The following CCT7 variants were observed in gnomAD, a reference collection of about 807,000 sequenced individuals.
CCT7 encodes the protein T-complex protein 1 subunit eta.
CCT7 carries 16 observed loss-of-function variants against 56.6 expected under a neutral mutation model. The observed-to-expected ratio is 0.28, with a 90% CI of 0.19 to 0.43. The LOEUF (loss-of-function observed/expected upper bound fraction) is 0.43. CCT7 is among the 20% of genes least tolerant of loss of function. The pLI is 1.00. For synonymous variants in CCT7, 262 were observed against 254.8 expected (o/e 1.03, Z -0.27); for missense variants, 519 against 685.6 (o/e 0.76, Z 2.71).
chr2:73,244,588 G>A lies in CCT7; in HGVS notation c.491G>A (p.Ser164Asn), dbSNP rs1255888979. 5 of 1,613,860 alleles carry A rather than the reference G, an allele frequency of 3.1e-6. No homozygotes were observed. The highest frequency in any genetic ancestry group is 1.1e-5 in the South Asian group (1 of 91,054). The change falls in exon 6 of 12, where the codon AGC (serine) becomes AAC (asparagine). Residue 164 changes from serine (S) to asparagine (N), a missense_variant. Ser to Asn is a conservative substitution (Grantham distance 46). This residue lies in a region of CCT7 where 276 missense variants were observed against 357.3 expected (regional missense o/e 0.77). Transcript: ENST00000258091. ...GAAAAGTGTGCCATGACCGCTCTGA[G>A]CTCCAAGCTGATCTCCCAGCAGAAA... The part of the protein sequence containing the change: ...LLEKCAMTAL[S>N]SKLISQQKAF...
intron 10 of CCT7, among the ~76,000 whole-genome samples, chr2:73,250,645 T>G (rs1465336207): frequency 1.3e-5 from 2 of 151,950 alleles, no homozygotes; most frequent in Non-Finnish European, 2.9e-5. Context: ...AAGCTAAGAC[T>G]TGTTCTTTTA....
At position 73,251,405 on chromosome 2, in the gene CCT7, C is replaced by G. The variant is rs941793122; in HGVS notation, c.1383C>G (p.Leu461=). ...CTGGCTTTGATGCCACAAACATTCT[C>G]AACAAGCTGCGGGCTCGGCATGCCC... is the stretch of plus-strand genomic sequence containing the variant. The part of the protein sequence containing the change: ...DNAGFDATNI[L]NKLRARHAQG... Residue 461 remains leucine, a synonymous_variant, in exon 11 of 12, where the codon CTC becomes CTG. Transcript: ENST00000258091. 2 of 1,469,648 alleles carry G rather than the reference C, an allele frequency of 1.4e-6. No homozygotes were observed. Among genetic ancestry groups the G allele is most frequent in the Non-Finnish European group, 1.8e-6 (2 of 1,087,848 alleles). The allele number at this position is 1,469,648 out of a possible 1,614,324, so 91.0% of individuals were successfully genotyped here. A position where few individuals can be genotyped will look rare whatever the true frequency, so the allele number is the denominator to read the frequency against.
chr2:73,241,033 C>CTTT (rs35842378), intron 3 of CCT7, among the ~76,000 whole-genome samples: 67 of 127,410 alleles, frequency 5.3e-4, no homozygotes, highest in African/African-American at 1.6e-3. Flanking sequence ...CTACACCAGG[C>CTTT]TTTTTTTTTT....
At chr2:73,250,520 A>G in intron 10 of CCT7, 82 bp downstream of exon 10, 5 of 1,523,252 alleles carry the variant, frequency 3.3e-6, no homozygotes, top group Non-Finnish European at 4.5e-6. Flanking sequence ...TTGTGTGGTG[A>G]TTCCTTCTCT....
intron 8 of CCT7, 85 bp from the exon 9 acceptor site, chr2:73,249,734 G>A: frequency 1.1e-6 from 1 of 877,728 alleles, no homozygotes; most frequent in Non-Finnish European, 2.0e-6. Context: ...GGGCATGCGT[G>A]GGAATTGGCT....
At chr2:73,240,337 C>A (rs144238834) in intron 2 of CCT7, 100 bp from the exon 3 acceptor site, 3 of 684,256 alleles carry the variant, frequency 4.4e-6, no homozygotes, top group African/African-American at 1.8e-5. Flanking sequence ...CTGCCGTGAT[C>A]CCCTCTGCCC....
At chr2:73,249,335 A>G (rs1030931571) in intron 8 of CCT7, among the ~76,000 whole-genome samples, 156 bp downstream of exon 8, 4 of 151,206 alleles carry the variant, frequency 2.6e-5, no homozygotes, top group African/African-American at 7.3e-5. Context: ...TTCCATTTCC[A>G]TGTGTGTGTG....
At chr2:73,250,467 C>T (rs1687531587) in intron 10 of CCT7, 29 bp downstream of exon 10, 1 of 1,612,086 alleles carries the variant, frequency 6.2e-7, no homozygotes, top group Non-Finnish European at 8.5e-7. Flanking sequence ...CCTGCTTGCA[C>T]AGCCTACTCT....
chr2:73,239,838 G>A (rs762785613), intron 2 of CCT7, 42 bp downstream of exon 2: 8 of 1,580,122 alleles, frequency 5.1e-6, no homozygotes, highest in African/African-American at 1.3e-5. Context: ...CAGGAAAGGA[G>A]GCTCCTGAGG....
At chr2:73,237,928 A>C (rs1406948667) in intron 1 of CCT7, among the ~76,000 whole-genome samples, 1 of 152,028 alleles carries the variant, frequency 6.6e-6, no homozygotes, top group Non-Finnish European at 1.5e-5. Flanking sequence ...TACCTCATGC[A>C]TTGCGGTCCA....
At chr2:73,250,525 T>C in intron 10 of CCT7, 87 bp downstream of exon 10, 1 of 1,491,068 alleles carries the variant, frequency 6.7e-7, no homozygotes, top group South Asian at 1.2e-5. Context: ...TGGTGATTCC[T>C]TCTCTATATA....
chr2:73,249,765 G>T, intron 8 of CCT7, 54 bp from the exon 9 acceptor site: 1 of 1,252,138 alleles, frequency 8.0e-7, no homozygotes. Context: ...GTGGCAGGAA[G>T]CTGCCTGGCC....
At chr2:73,244,455 G>C in intron 5 of CCT7, 89 bp from the exon 6 acceptor site, 1 of 1,174,638 alleles carries the variant, frequency 8.5e-7, no homozygotes, top group Non-Finnish European at 1.2e-6. Context: ...TTTAGAGACT[G>C]GAAGGGAACT....
intron 7 of CCT7, 110 bp from the exon 8 acceptor site, chr2:73,248,881 C>T (rs528911524): frequency 4.8e-6 from 4 of 829,386 alleles, no homozygotes; most frequent in Non-Finnish European, 7.7e-6. Context: ...TGTTAATTCC[C>T]AGATGAATCA....
chr2:73,243,903 G>T, intron 4 of CCT7, 94 bp from the exon 5 acceptor site: 1 of 1,098,036 alleles, frequency 9.1e-7, no homozygotes, highest in Non-Finnish European at 1.4e-6. Context: ...TTAGGATTTG[G>T]GAGTGAACAG....
rs375497249 is a variant in CCT7 at position 73,252,795 on chromosome 2, C to A, written c.1566C>A (p.Asn522Lys). 2 of 1,613,980 alleles carry A rather than the reference C, an allele frequency of 1.2e-6. No individual in the cohort carries two copies. Among genetic ancestry groups the A allele is most frequent in the African/African-American group, 2.7e-5 (2 of 74,912 alleles). Residue 522 changes from asparagine (N) to lysine (K), a missense_variant, in exon 12 of 12, where the codon AAC (asparagine) becomes AAA (lysine). Asn to Lys is a moderately conservative substitution (Grantham distance 94). Transcript: ENST00000258091. Reference protein sequence around the residue: ...LIVSVDETIKNPRSTVDAPTA... With the variant: ...LIVSVDETIKKPRSTVDAPTA... ...TGTCTGTAGATGAAACCATCAAGAA[C>A]CCCCGCTCGACTGTGGATGCTCCCA...
At chr2:73,243,214 G>A in intron 4 of CCT7, 85 bp downstream of exon 4, 1 of 1,495,116 alleles carries the variant, frequency 6.7e-7, no homozygotes, top group Non-Finnish European at 9.2e-7. Flanking sequence ...CAGGAGTGTG[G>A]AGGGACTGGG....
At chr2:73,245,251 A>G (rs1574359684) in intron 6 of CCT7, among the ~76,000 whole-genome samples, 1 of 152,214 alleles carries the variant, frequency 6.6e-6, no homozygotes. Flanking sequence ...ATGTATGTAA[A>G]TACTGTTTTT....
At chr2:73,238,108 C>G (rs567819651) in intron 1 of CCT7, among the ~76,000 whole-genome samples, 61 of 152,202 alleles carry the variant, frequency 4.0e-4, no homozygotes, top group African/African-American at 1.4e-3. Flanking sequence ...TTTTCGTTTT[C>G]TTTTTGTAGA....
Sources: allele counts gnomAD v4.1 joint callset (sites outside exome capture counted in the v4.1 genomes callset), GRCh38; gene constraint gnomAD v4.1.1; regional missense constraint gnomAD v4.1.1; transcripts MANE v1.5; gene names NCBI Gene and HGNC (gene_info 2026-07-23, HGNC 2026-07-21).